The following CHD9 variants were observed in gnomAD, a reference collection of about 807,000 sequenced individuals.
CHD9 encodes the protein chromodomain helicase DNA binding protein 9.
CHD9 carries 77 observed loss-of-function variants against 316.1 expected under a neutral mutation model. The observed-to-expected ratio is 0.24, with a 90% CI of 0.20 to 0.29. CHD9 has a LOEUF of 0.29. Among genes scored for constraint, CHD9 ranks in the 10% least tolerant of loss-of-function variants. CHD9 has a pLI of 1.00. For synonymous variants in CHD9, 1,129 were observed against 1,158.3 expected (o/e 0.97, Z 0.51); for missense variants, 2,763 against 3,438.1 (o/e 0.80, Z 4.91).
intron 38 of CHD9, 25 bp downstream of exon 38, chr16:53,321,655 C>T (rs1167212066): frequency 8.2e-7 from 1 of 1,222,060 alleles, no homozygotes; most frequent in South Asian, 1.9e-5. Flanking sequence ...AATACTAACT[C>T]ATACATTATT....
chr16:53,213,882 T>C (rs1351351932), intron 3 of CHD9, among the ~76,000 whole-genome samples: 2 of 152,184 alleles, frequency 1.3e-5, no homozygotes, highest in Non-Finnish European at 2.9e-5. Flanking sequence ...TATTGTCCTT[T>C]ATGATTAAAC....
At chr16:53,222,864 G>C in intron 4 of CHD9, 109 bp downstream of exon 4, 1 of 575,328 alleles carries the variant, frequency 1.7e-6, no homozygotes. Flanking sequence ...AATACATTTT[G>C]TAGTATGGTA....
chr16:53,165,691 G>A (rs1393277697), intron 2 of CHD9, among the ~76,000 whole-genome samples: 1 of 143,872 alleles, frequency 7.0e-6, no homozygotes, highest in Non-Finnish European at 1.5e-5. Flanking sequence ...ATAAAAGAGA[G>A]GAAAACCTAT....
chr16:53,226,277 T>C, intron 4 of CHD9, 89 bp from the exon 5 acceptor site: 1 of 818,486 alleles, frequency 1.2e-6, no homozygotes, highest in Non-Finnish European at 1.8e-6. Flanking sequence ...AAATTTAATA[T>C]ACAAAATTGC....
chr16:53,320,776 A>G (rs549539919), intron 37 of CHD9, among the ~76,000 whole-genome samples: 5 of 152,256 alleles, frequency 3.3e-5, no homozygotes, highest in South Asian at 2.1e-4. Context: ...TTATTTACTT[A>G]TGATTGGTTA....
At chr16:53,266,933 T>G (rs1456536428) in intron 20 of CHD9, among the ~76,000 whole-genome samples, 1 of 152,206 alleles carries the variant, frequency 6.6e-6, no homozygotes, top group Non-Finnish European at 1.5e-5. Context: ...AAGATTTACT[T>G]TAGCATTATT....
intron 1 of CHD9, among the ~76,000 whole-genome samples, chr16:53,061,679 C>T (rs1474439466): frequency 1.3e-5 from 2 of 152,156 alleles, no homozygotes; most frequent in African/African-American, 2.4e-5. Flanking sequence ...TGGGGTATAT[C>T]CTCGACTCTC....
chr16:53,157,435 CTGATA>C lies in CHD9; in HGVS notation c.1349_1353del (p.Asp450GlyfsTer18). ...ACTTCGCATCTGGTAACACGGCCTTCTGATATGGCTCAGACTCAGTTGCAAAGTCA... is the reference window on the plus strand; with the variant it reads ...ACTTCGCATCTGGTAACACGGCCTTCTGGCTCAGACTCAGTTGCAAAGTCA... On this transcript the variant is annotated frameshift_variant, in exon 2 of 39. Coordinates refer to ENST00000447540, the MANE Select transcript of CHD9 (RefSeq NM_001308319.2). LOFTEE classifies it high-confidence loss of function. 1 of 1,613,988 alleles carries C rather than the reference CTGATA, an allele frequency of 6.2e-7. No individual in the cohort carries two copies. Among genetic ancestry groups the C allele is most frequent in the Non-Finnish European group, 8.5e-7 (1 of 1,179,886 alleles).
chr16:53,174,497 ATTC>A (rs2042974865), intron 2 of CHD9, among the ~76,000 whole-genome samples: 1 of 152,052 alleles, frequency 6.6e-6, no homozygotes, highest in African/African-American at 2.4e-5. Flanking sequence ...CTTTGCATGT[ATTC>A]TTTGCTCTGT....
Position 53,248,699 on chromosome 16 carries a change from T to C in CHD9, c.3666-1172T>C, listed in dbSNP as rs1316199857. Among the ~76,000 whole-genome samples the C allele has an allele frequency of 2.0e-5, 3 of 151,774 alleles. No homozygotes were observed. In the East Asian group the frequency reaches 5.8e-4, roughly 29 times the overall value. On this transcript the variant is annotated intron_variant, in intron 16 of 38. Coordinates refer to ENST00000447540, the MANE Select transcript of CHD9 (RefSeq NM_001308319.2). ...CACTACCACACCCAGCTAATTTATT[T>C]TGGGTAGAGACAGGGTCTCACTGTG...
At chr16:53,100,588 A>G (rs1214111957) in intron 1 of CHD9, among the ~76,000 whole-genome samples, 1 of 151,748 alleles carries the variant, frequency 6.6e-6, no homozygotes, top group Non-Finnish European at 1.5e-5. Flanking sequence ...CCTCCCAAGT[A>G]GTTGGGACTA....
intron 1 of CHD9, among the ~76,000 whole-genome samples, chr16:53,073,541 T>C (rs2034277875): frequency 6.6e-6 from 1 of 152,262 alleles, no homozygotes; most frequent in Admixed American, 6.5e-5. Flanking sequence ...GGTTTGGCTC[T>C]GTGTCCCCAC....
intron 38 of CHD9, among the ~76,000 whole-genome samples, chr16:53,321,872 A>G (rs888187791): frequency 1.3e-5 from 2 of 151,964 alleles, no homozygotes; most frequent in Non-Finnish European, 1.5e-5. Flanking sequence ...TGATGCCACA[A>G]AGAGTAATCA....
chr16:53,250,953 A>C (rs915121745), intron 17 of CHD9, among the ~76,000 whole-genome samples: 2 of 152,220 alleles, frequency 1.3e-5, no homozygotes, highest in Non-Finnish European at 2.9e-5. Flanking sequence ...GCATAAAAAC[A>C]AATATAATAA....
chr16:53,234,467 T>C (rs1215430532), intron 10 of CHD9, among the ~76,000 whole-genome samples: 1 of 152,194 alleles, frequency 6.6e-6, no homozygotes, highest in Non-Finnish European at 1.5e-5. Flanking sequence ...TTTGGCTTTT[T>C]CATAGTTGTA....
Position 53,054,998 on chromosome 16 carries a change from A to C in CHD9, c.-244A>C, listed in dbSNP as rs866783909. 2.0e-5 allele frequency: 3 copies of C among 152,180 alleles called. No individual in the cohort carries two copies. Among genetic ancestry groups the C allele is most frequent in the African/African-American group, 7.2e-5 (3 of 41,456 alleles). The allele number at this position is 152,180 out of a possible 1,614,324, so 9.4% of individuals were successfully genotyped here. On this transcript the variant is annotated 5_prime_UTR_variant, in exon 1 of 39. Transcript: ENST00000447540. ...GCCTGCGCTCTAGTGGGCGCTTCAC[A>C]GGCGCAGCGACAGCGACAGCGACAG...
Position 53,072,685 on chromosome 16 carries a change from T to G in CHD9, c.-165+17608T>G, listed in dbSNP as rs541669960. On this transcript the variant is annotated intron_variant, in intron 1 of 38. Transcript: ENST00000447540. Reference sequence around the variant, plus strand: ...GCCACTATGCCCAGCCTATAACTTTTTATTTTTTTATTTTTTTTATTTTTT... The same window carrying G: ...GCCACTATGCCCAGCCTATAACTTTGTATTTTTTTATTTTTTTTATTTTTT... Among the ~76,000 whole-genome samples the G allele has an allele frequency of 9.9e-5, 15 of 151,138 alleles. No individual in the cohort carries two copies. In the South Asian group the frequency reaches 3.1e-3, roughly 31 times the overall value.
chr16:53,247,594 C>A (rs1317465665), intron 16 of CHD9, 91 bp downstream of exon 16: 3 of 854,042 alleles, frequency 3.5e-6, no homozygotes, highest in Admixed American at 2.6e-5. Context: ...TTACTCATAT[C>A]TTTCTCTTTG....
At chr16:53,315,194 C>G in intron 36 of CHD9, 150 bp downstream of exon 36, 1 of 624,018 alleles carries the variant, frequency 1.6e-6, no homozygotes, top group Non-Finnish European at 2.8e-6. Context: ...TACCATCCTT[C>G]CCATGATACA....
Sources: allele counts gnomAD v4.1 joint callset (sites outside exome capture counted in the v4.1 genomes callset), GRCh38; gene constraint gnomAD v4.1.1; transcripts MANE v1.5; gene names NCBI Gene and HGNC (gene_info 2026-07-23, HGNC 2026-07-21).